Variants in CFAP54 observed in about 807,000 individuals in gnomAD.
CFAP54 encodes cilia- and flagella-associated protein 54.
Under a neutral mutation model 370.4 loss-of-function variants are expected in CFAP54, and 290 were observed. That is an observed-to-expected ratio of 0.78 (90% CI 0.71 to 0.86). The LOEUF is 0.86. CFAP54 is among the 40% of genes least tolerant of loss of function. The pLI, the probability that CFAP54 is intolerant of heterozygous loss-of-function variation, is 0.00. For synonymous variants in CFAP54, 1,206 were observed against 1,236.5 expected (o/e 0.98, Z 0.52); for missense variants, 3,399 against 3,528.7 (o/e 0.96, Z 0.93).
chr12:96,739,142 T>C (rs1304246736), intron 50 of CFAP54, among the ~76,000 whole-genome samples: 5 of 152,182 alleles, frequency 3.3e-5, no homozygotes, highest in African/African-American at 2.4e-5. Flanking sequence ...GTGGGGAAAT[T>C]GGATGGATAT....
chr12:96,506,308 A>G (rs924414026), intron 3 of CFAP54, among the ~76,000 whole-genome samples: 44 of 150,994 alleles, frequency 2.9e-4, no homozygotes, highest in African/African-American at 9.5e-4. Context: ...ACTGCACTCC[A>G]ACCTGGGAGA....
At chr12:96,561,586 C>T (rs1955816701) in intron 17 of CFAP54, among the ~76,000 whole-genome samples, 1 of 151,648 alleles carries the variant, frequency 6.6e-6, no homozygotes, top group South Asian at 2.1e-4. Flanking sequence ...GCTATTTTTC[C>T]AATGATATTT....
In CFAP54 at chr12:96,534,005, T is replaced by G. The variant is rs575272874; in HGVS notation, c.1539+32T>G. The stretch of plus-strand genomic sequence containing the variant: ...TATGCAAAATTATCCTCCTGGTTTT[T>G]TTTTTGTTAAAATGACATCCAATTA... On this transcript the variant is annotated intron_variant, in intron 10 of 67. Coordinates refer to ENST00000524981, the MANE Select transcript of CFAP54 (RefSeq NM_001306084.2). 13 of 1,498,152 alleles carry G rather than the reference T, an allele frequency of 8.7e-6. No individual in the cohort carries two copies. The African/African-American group carries it at 1.8e-4, about 21-fold the overall frequency. 92.8% of individuals were successfully genotyped at this position (1,498,152 alleles called of 1,614,324 possible). A position where few individuals can be genotyped will look rare whatever the true frequency, so the allele number is the denominator to read the frequency against.
At chr12:96,621,473 G>A (rs961093680) in intron 26 of CFAP54, 117 bp from the exon 27 acceptor site, 3 of 638,436 alleles carry the variant, frequency 4.7e-6, no homozygotes, top group Non-Finnish European at 6.9e-6. Flanking sequence ...TAAAATAAAA[G>A]GGGGATTCTT....
chr12:96,607,656 A>T (rs1449487865), intron 26 of CFAP54, among the ~76,000 whole-genome samples: 1 of 152,220 alleles, frequency 6.6e-6, no homozygotes, highest in East Asian at 1.9e-4. Context: ...CCTGAGTCCC[A>T]GGCAGGATTA....
intron 50 of CFAP54, among the ~76,000 whole-genome samples, chr12:96,728,348 C>G (rs1031239995): frequency 6.6e-6 from 1 of 152,154 alleles, no homozygotes; most frequent in Non-Finnish European, 1.5e-5. Flanking sequence ...TCACATAGTC[C>G]CATATTTCTT....
intron 9 of CFAP54, 112 bp downstream of exon 9, chr12:96,527,556 T>A (rs1955396989): frequency 3.1e-6 from 2 of 653,902 alleles, no homozygotes; most frequent in African/African-American, 1.9e-5. Context: ...ATTGTTTTTT[T>A]TTTTTTGTTT....
At chr12:96,545,226 A>T (rs920041300) in intron 14 of CFAP54, among the ~76,000 whole-genome samples, 3 of 152,012 alleles carry the variant, frequency 2.0e-5, no homozygotes, top group Admixed American at 1.3e-4. Context: ...TCCTCTTCTT[A>T]TAAAGTCACC....
rs376245057 is a variant in CFAP54 at position 96,660,635 on chromosome 12, C to T, written c.5460+2289C>T. 4.0e-4 allele frequency among the ~76,000 whole-genome samples: 61 copies of T among 152,310 alleles called. 2 individuals carry two copies. The East Asian group carries it at 7.1e-3, about 18-fold the overall frequency. On this transcript the variant is annotated intron_variant, in intron 38 of 67. Coordinates refer to ENST00000524981, the MANE Select transcript of CFAP54 (RefSeq NM_001306084.2). ...CTATGCTCTTACATGATTCTGACAC[C>T]AGATGTTTGGGGATTTCTCCCCACC...
rs118092449 is a variant in CFAP54 at position 96,783,101 on chromosome 12, C to T, written c.8282-1616C>T. On this transcript the variant is annotated intron_variant, in intron 60 of 67. Transcript: ENST00000524981. The stretch of plus-strand genomic sequence containing the variant: ...AATGCATGCAGTATGATTCTCTTCC[C>T]ATAAAGTTCTAAAAAGATAAAGTTA... 9.6e-3 allele frequency among the ~76,000 whole-genome samples: 1,454 copies of T among 152,170 alleles called. 57 individuals carry two copies. In the East Asian group the frequency reaches 0.1, roughly 11 times the overall value.
intron 50 of CFAP54, among the ~76,000 whole-genome samples, chr12:96,733,717 G>A (rs1641917862): frequency 6.6e-6 from 1 of 152,144 alleles, no homozygotes; most frequent in Non-Finnish European, 1.5e-5. Flanking sequence ...TCTGTCTAGT[G>A]TAGTGGAGAA....
chr12:96,631,250 T>C (rs1293284599), intron 32 of CFAP54, among the ~76,000 whole-genome samples: 3 of 151,906 alleles, frequency 2.0e-5, no homozygotes, highest in Admixed American at 1.3e-4. Context: ...TTTAGATAGG[T>C]ATAAAAATAA....
chr12:96,491,914 C>CA (rs1172012084), intron 1 of CFAP54, among the ~76,000 whole-genome samples: 1 of 152,068 alleles, frequency 6.6e-6, no homozygotes, highest in Non-Finnish European at 1.5e-5. Flanking sequence ...TGCCTGCTAC[C>CA]ACGCCCGGCT....
At chr12:96,520,134 T>C (rs1955287726) in intron 6 of CFAP54, among the ~76,000 whole-genome samples, 1 of 152,238 alleles carries the variant, frequency 6.6e-6, no homozygotes, top group African/African-American at 2.4e-5. Context: ...TATCTGGGAC[T>C]ACAGACACAC....
At chr12:96,682,930 T>C (rs1957288060) in intron 40 of CFAP54, among the ~76,000 whole-genome samples, 1 of 152,176 alleles carries the variant, frequency 6.6e-6, no homozygotes, top group South Asian at 2.1e-4. Flanking sequence ...ATGGAGATGA[T>C]GTTCTTTTTT....
intron 13 of CFAP54, among the ~76,000 whole-genome samples, chr12:96,538,941 A>C (rs186407850): frequency 1.8e-4 from 28 of 151,770 alleles, no homozygotes; most frequent in African/African-American, 5.8e-4. Flanking sequence ...TTTTGTAGAG[A>C]TGGGGTTTTA....
At position 96,617,989 on chromosome 12, in the gene CFAP54, C is replaced by CAAAAAAAAAAAAAAA. The variant is rs3055732; in HGVS notation, c.3640-3591_3640-3590insAAAAAAAAAAAAAAA. ...TGGGCAACAGAGCAAGACTTTGTCT[C>CAAAAAAAAAAAAAAA]AAAAAAAAAAGGAATATATTTATCT... On this transcript the variant is annotated intron_variant, in intron 26 of 67. Transcript: ENST00000524981. Among the ~76,000 whole-genome samples, 3 of 117,124 alleles carry CAAAAAAAAAAAAAAA rather than the reference C, an allele frequency of 2.6e-5. 1 individual carries two copies. 76.8% of individuals were successfully genotyped at this position (117,124 alleles called of 152,430 possible).
intron 63 of CFAP54, among the ~76,000 whole-genome samples, chr12:96,810,166 C>T (rs1190830148): frequency 6.6e-6 from 1 of 151,876 alleles, no homozygotes; most frequent in African/African-American, 2.4e-5. Flanking sequence ...GTACCTGAGC[C>T]TCCAGTTCCT....
chr12:96,665,206 C>G (rs960487647), intron 39 of CFAP54, among the ~76,000 whole-genome samples: 5 of 151,558 alleles, frequency 3.3e-5, no homozygotes, highest in Non-Finnish European at 1.5e-5. Context: ...CTTATAGATG[C>G]TGGATATTAG....
Sources: gnomAD v4.1 joint callset for allele counts (sites outside exome capture counted in the v4.1 genomes callset) on GRCh38, gnomAD v4.1.1 for gene constraint, MANE v1.5 for transcripts, NCBI Gene and HGNC (gene_info 2026-07-23, HGNC 2026-07-21) for gene names.